Variants in SEMA4F observed in about 807,000 individuals in gnomAD.
SEMA4F encodes semaphorin-4F.
SEMA4F carries 51 observed loss-of-function variants against 78.4 expected under a neutral mutation model. The observed-to-expected ratio is 0.65, with a 90% CI of 0.52 to 0.82. The LOEUF is 0.82. Among genes scored for constraint, SEMA4F ranks in the 40% least tolerant of loss-of-function variants. The pLI is 0.00. For missense variants in SEMA4F, 938 were observed against 1,014.4 expected (o/e 0.92, Z 1.02); for synonymous variants, 418 against 408.7 (o/e 1.02, Z -0.27).
chr2:74,706,584 G>A, the SEMA4F span, among the ~76,000 whole-genome samples: 4 of 152,292 alleles, frequency 2.6e-5, no homozygotes, highest in Admixed American at 2.6e-4. Context: ...TGGGTGCAGT[G>A]GCAAGGAGGA....
the SEMA4F span, among the ~76,000 whole-genome samples, chr2:74,704,109 G>T: frequency 6.6e-6 from 1 of 152,080 alleles, no homozygotes; most frequent in African/African-American, 2.4e-5. Flanking sequence ...TCTCCAAAGA[G>T]TCAAGTACAT....
chr2:74,679,226 G>C (rs1313191659), intron 12 of SEMA4F, 50 bp from the exon 13 acceptor site: 1 of 1,357,516 alleles, frequency 7.4e-7, no homozygotes, highest in Non-Finnish European at 1.1e-6. Flanking sequence ...ACTGAGGGGG[G>C]TTGAAGGGAA....
chr2:74,664,971 GA>G (rs1333149434), intron 5 of SEMA4F, among the ~76,000 whole-genome samples: 2 of 152,086 alleles, frequency 1.3e-5, no homozygotes, highest in African/African-American at 2.4e-5. Flanking sequence ...TGAATCGCAT[GA>G]GGGGGGATCT....
At chr2:74,691,969 T>C in the SEMA4F span, among the ~76,000 whole-genome samples, 2 of 152,154 alleles carry the variant, frequency 1.3e-5, no homozygotes, top group African/African-American at 4.8e-5. Flanking sequence ...GGGGTAACAG[T>C]GTCCAGCCTT....
At chr2:74,702,089 A>T in the SEMA4F span, among the ~76,000 whole-genome samples, 1 of 152,178 alleles carries the variant, frequency 6.6e-6, no homozygotes, top group Non-Finnish European at 1.5e-5. Context: ...AAAACATTTA[A>T]CACAATCATC....
intron 12 of SEMA4F, 109 bp from the exon 13 acceptor site, chr2:74,679,155 AATTTCTGGAGTG>A: frequency 1.2e-6 from 1 of 835,782 alleles, no homozygotes; most frequent in Admixed American, 1.9e-5. Context: ...CTTGACTGAT[AATTTCTGGAGTG>A]ATTTCTGGGA....
At chr2:74,699,701 G>A in the SEMA4F span, among the ~76,000 whole-genome samples, 143 of 152,330 alleles carry the variant, frequency 9.4e-4, no homozygotes, top group African/African-American at 3.4e-3. Flanking sequence ...CAAGAGACAT[G>A]GAGAAGGAGC....
the SEMA4F span, among the ~76,000 whole-genome samples, chr2:74,693,527 A>G: frequency 6.6e-6 from 1 of 152,200 alleles, no homozygotes; most frequent in Non-Finnish European, 1.5e-5. Context: ...GATAGGATGG[A>G]TGTTGAATTA....
intron 4 of SEMA4F, among the ~76,000 whole-genome samples, chr2:74,659,151 A>T (rs982135842): frequency 6.6e-6 from 1 of 152,112 alleles, no homozygotes; most frequent in Non-Finnish European, 1.5e-5. Context: ...TGTTGGTGAA[A>T]ATCTCTGTAT....
At chr2:74,704,714 A>C in the SEMA4F span, among the ~76,000 whole-genome samples, 1 of 152,164 alleles carries the variant, frequency 6.6e-6, no homozygotes, top group Non-Finnish European at 1.5e-5. Flanking sequence ...ACACTTAGCC[A>C]GACGTCTCCA....
In SEMA4F at chr2:74,675,570, G is replaced by A; in HGVS notation, c.1418G>A (p.Ser473Asn). 6.2e-7 allele frequency: 1 copy of A among 1,614,222 alleles called. No individual in the cohort carries two copies. The highest frequency in any genetic ancestry group is 8.5e-7 in the Non-Finnish European group (1 of 1,180,040). Reference sequence around the variant, plus strand: ...GCAGTGCGGATCGGAGCTCAGCTCAGCGTTCTTGAAGATCTGGCCTTATTC... The same window carrying A: ...GCAGTGCGGATCGGAGCTCAGCTCAACGTTCTTGAAGATCTGGCCTTATTC... ...HRAVRIGAQL[S>N]VLEDLALFPE... Residue 473 changes from serine to asparagine, a missense_variant, in exon 11 of 14, where the codon AGC becomes AAC. Coordinates refer to ENST00000357877, the MANE Select transcript of SEMA4F (RefSeq NM_004263.5).
chr2:74,684,792 T>A (rs1048720339), downstream of SEMA4F, among the ~76,000 whole-genome samples: 2 of 152,162 alleles, frequency 1.3e-5, no homozygotes, highest in African/African-American at 4.8e-5. Context: ...GACGGAATCC[T>A]GTCTCTCAAA....
At position 74,662,796 on chromosome 2, in the gene SEMA4F, C is replaced by T. The variant is rs745961470; in HGVS notation, c.521C>T (p.Pro174Leu). The change falls in exon 5 of 14, where the codon CCA (proline) becomes CTA (leucine). Residue 174 changes from proline to leucine, a missense_variant. Transcript: ENST00000357877. ...GGCCGGGGGAAATGTCCTTTTGAGC[C>T]AGCTCAGCGGTCAGCAGCTGTAATG... ...ESGRGKCPFE[P>L]AQRSAAVMAG... 2.5e-6 allele frequency: 4 copies of T among 1,614,202 alleles called. No individual in the cohort carries two copies. Among genetic ancestry groups the T allele is most frequent in the Non-Finnish European group, 3.4e-6 (4 of 1,180,020 alleles).
chr2:74,677,790 G>A (rs1004228694), intron 12 of SEMA4F, among the ~76,000 whole-genome samples: 1 of 152,160 alleles, frequency 6.6e-6, no homozygotes, highest in African/African-American at 2.4e-5. Flanking sequence ...ATTCTGTAGA[G>A]GTAAAAGTAC....
rs780057017 is a variant in SEMA4F at position 74,680,006 on chromosome 2, G to A, written c.2110G>A (p.Ala704Thr). The A allele has an allele frequency of 5.0e-6, 8 of 1,614,034 alleles. No homozygotes were observed. Among genetic ancestry groups the A allele is most frequent in the Admixed American group, 1.7e-5 (1 of 60,006 alleles). The change falls in exon 14 of 14, where the codon GCT becomes ACT. Residue 704 changes from alanine (A) to threonine (T), a missense_variant. Transcript: ENST00000357877. ...ARDKVGLDLGAPPSGTTSYSQ... is the reference protein window; with the variant it reads ...ARDKVGLDLGTPPSGTTSYSQ... ...AGACAAGGTGGGCCTGGACCTGGGGGCTCCACCTTCTGGGACCACAAGCTA... is the reference window on the plus strand; with the variant it reads ...AGACAAGGTGGGCCTGGACCTGGGGACTCCACCTTCTGGGACCACAAGCTA...
chr2:74,661,783 G>A (rs1157776217), intron 4 of SEMA4F, among the ~76,000 whole-genome samples: 1 of 152,112 alleles, frequency 6.6e-6, no homozygotes, highest in Non-Finnish European at 1.5e-5. Flanking sequence ...TTTTTCAGGG[G>A]ATATATATCG....
rs773910430 is a variant in SEMA4F at position 74,675,961 on chromosome 2, T to A, written c.1643+52T>A. On this transcript the variant is annotated intron_variant, in intron 12 of 13. Transcript: ENST00000357877. ...CTTACTGTGCCAGGGCTCTGTCCCA[T>A]CCATATGTCTACGTTTCTCATCTGT... The A allele has an allele frequency of 2.6e-6, 4 of 1,545,098 alleles. No individual in the cohort carries two copies. In the Admixed American group the frequency reaches 7.9e-5, roughly 30 times the overall value.
intron 5 of SEMA4F, among the ~76,000 whole-genome samples, chr2:74,670,692 G>A (rs1009303879): frequency 6.6e-6 from 1 of 152,220 alleles, no homozygotes; most frequent in African/African-American, 2.4e-5. Flanking sequence ...CAGGGTTTTG[G>A]TTTTAGAGCA....
chr2:74,693,702 A>G, the SEMA4F span, among the ~76,000 whole-genome samples: 2 of 152,200 alleles, frequency 1.3e-5, no homozygotes, highest in Non-Finnish European at 2.9e-5. Context: ...TATTTCAGAA[A>G]AGGTAGCATG....
Sources: allele counts gnomAD v4.1 joint callset (sites outside exome capture counted in the v4.1 genomes callset), GRCh38; gene constraint gnomAD v4.1.1; transcripts MANE v1.5; gene names NCBI Gene and HGNC (gene_info 2026-07-23, HGNC 2026-07-21).